MBD5: variants seen among roughly 807,000 people sequenced by gnomAD.
The protein encoded by MBD5 is methyl-CpG binding domain protein 5.
MBD5 carries 13 observed loss-of-function variants against 117.3 expected under a neutral mutation model. The observed-to-expected ratio is 0.11, with a 90% CI of 0.07 to 0.18. The LOEUF (loss-of-function observed/expected upper bound fraction) is 0.18, where lower values mean the gene tolerates loss of function less well. Ranked by LOEUF, MBD5 falls within the 10% of genes least tolerant of loss-of-function variation. The probability of loss-of-function intolerance (pLI) is 1.00; values close to 1 mark genes in which losing one functional copy is unlikely to be tolerated. For synonymous variants in MBD5, 727 were observed against 766.4 expected, an observed-to-expected ratio of 0.95 and a Z score of 0.85; for missense variants, 1,879 against 2,093.8, an observed-to-expected ratio of 0.90 and a Z score of 2.00.
intron 4 of MBD5, among the ~76,000 whole-genome samples, chr2:148,350,844 A>G (rs1335888908): frequency 6.6e-6 from 1 of 151,924 alleles, no homozygotes; most frequent in Non-Finnish European, 1.5e-5. Flanking sequence ...ATCATATTTA[A>G]GTCTCTTTTA....
At chr2:148,179,368 A>C (rs982866088) in intron 2 of MBD5, among the ~76,000 whole-genome samples, 56 of 152,202 alleles carry the variant, frequency 3.7e-4, no homozygotes, top group Non-Finnish European at 6.8e-4. Context: ...AAAAAAAAAA[A>C]AAGTAACTTC....
chr2:148,318,979 G>C (rs974389083), intron 3 of MBD5, among the ~76,000 whole-genome samples: 1 of 152,188 alleles, frequency 6.6e-6, no homozygotes, highest in Non-Finnish European at 1.5e-5. Flanking sequence ...GCCTCCCAAA[G>C]TGCTGGGATT....
At chr2:148,377,520 A>T (rs181210987) in intron 4 of MBD5, among the ~76,000 whole-genome samples, 178 of 152,336 alleles carry the variant, frequency 1.2e-3, no homozygotes, top group South Asian at 7.5e-3. Context: ...TCTTTGCTTC[A>T]TGGGCAACTA....
intron 2 of MBD5, among the ~76,000 whole-genome samples, chr2:148,199,282 G>A (rs958369161): frequency 6.6e-6 from 1 of 152,054 alleles, no homozygotes; most frequent in African/African-American, 2.4e-5. Flanking sequence ...CCCCAGTATT[G>A]TTTAACTGAA....
chr2:148,444,070 A>G (rs1011501083), intron 4 of MBD5, among the ~76,000 whole-genome samples: 1 of 151,218 alleles, frequency 6.6e-6, no homozygotes, highest in Non-Finnish European at 1.5e-5. Context: ...AAAGGATTAA[A>G]TGAGCTAATT....
intron 1 of MBD5, among the ~76,000 whole-genome samples, chr2:148,048,596 C>G (rs573558580): frequency 2.0e-5 from 3 of 152,066 alleles, no homozygotes; most frequent in African/African-American, 7.2e-5. Context: ...GAGCAGTTTG[C>G]TGTTTTGGAG....
chr2:148,217,037 T>A (rs1179029794), intron 2 of MBD5, among the ~76,000 whole-genome samples: 1 of 152,232 alleles, frequency 6.6e-6, no homozygotes, highest in Non-Finnish European at 1.5e-5. Context: ...CATAGATTCA[T>A]TGTACATTCA....
chr2:148,457,681 C>G (rs913612502), intron 4 of MBD5, among the ~76,000 whole-genome samples: 3 of 152,006 alleles, frequency 2.0e-5, no homozygotes, highest in Non-Finnish European at 4.4e-5. Flanking sequence ...GAAACCACCT[C>G]TTATATTTGG....
At chr2:148,063,519 A>G (rs752153414) in intron 1 of MBD5, among the ~76,000 whole-genome samples, 2 of 151,534 alleles carry the variant, frequency 1.3e-5, no homozygotes, top group Non-Finnish European at 2.9e-5. Context: ...TTGACAATAC[A>G]TAAATGAATG....
intron 1 of MBD5, among the ~76,000 whole-genome samples, chr2:148,084,087 C>CTGTT (rs1191456715): frequency 5.9e-5 from 9 of 152,126 alleles, no homozygotes; most frequent in Non-Finnish European, 1.3e-4. Flanking sequence ...TCTCGTTTTG[C>CTGTT]TGTTTGCAAT....
At chr2:148,445,215 C>G (rs535190718) in intron 4 of MBD5, among the ~76,000 whole-genome samples, 3 of 151,152 alleles carry the variant, frequency 2.0e-5, no homozygotes, top group Non-Finnish European at 4.4e-5. Context: ...TATACATGTG[C>G]CATGTTGGTG....
At chr2:148,163,518 C>T (rs914812092) in intron 1 of MBD5, among the ~76,000 whole-genome samples, 22 of 152,012 alleles carry the variant, frequency 1.4e-4, no homozygotes, top group African/African-American at 5.1e-4. Context: ...CAGGTTCAAG[C>T]GACAATCCTA....
chr2:148,504,571 G>T (rs1207696159), intron 12 of MBD5, among the ~76,000 whole-genome samples: 1 of 152,166 alleles, frequency 6.6e-6, no homozygotes, highest in East Asian at 1.9e-4. Flanking sequence ...AGTCCCTGAA[G>T]CTCACTGTTT....
At chr2:148,151,440 A>G (rs1041687444) in intron 1 of MBD5, among the ~76,000 whole-genome samples, 4 of 152,200 alleles carry the variant, frequency 2.6e-5, no homozygotes. Context: ...TTGGTATCAG[A>G]ATGATGCTGG....
chr2:148,426,971 C>G (rs1483410863), intron 4 of MBD5, among the ~76,000 whole-genome samples: 1 of 152,006 alleles, frequency 6.6e-6, no homozygotes, highest in Non-Finnish European at 1.5e-5. Flanking sequence ...AACAAACAAC[C>G]CCATCAAAAA....
intron 3 of MBD5, among the ~76,000 whole-genome samples, chr2:148,234,994 G>A (rs967972529): frequency 4.2e-4 from 64 of 152,164 alleles, no homozygotes; most frequent in Middle Eastern, 3.4e-3. Context: ...ATCTGCAAGG[G>A]ATTGACTCCA....
At chr2:148,380,864 T>A (rs1230529390) in intron 4 of MBD5, among the ~76,000 whole-genome samples, 1 of 152,168 alleles carries the variant, frequency 6.6e-6, no homozygotes, top group Non-Finnish European at 1.5e-5. Context: ...AAACAGGGTC[T>A]GGAGTGGACC....
chr2:148,062,217 G>A (rs1357796203), intron 1 of MBD5: 1 of 151,238 alleles, frequency 6.6e-6, no homozygotes, highest in East Asian at 1.9e-4. Flanking sequence ...GTATATACAT[G>A]TATCATTTTA....
chr2:148,183,417 A>G (rs993991797), intron 2 of MBD5, among the ~76,000 whole-genome samples: 1 of 152,188 alleles, frequency 6.6e-6, no homozygotes, highest in African/African-American at 2.4e-5. Context: ...AATAGTAATT[A>G]TAATCATAAT....
Sources: gnomAD v4.1 joint callset for allele counts (sites outside exome capture counted in the v4.1 genomes callset) on GRCh38, gnomAD v4.1.1 for gene constraint, MANE v1.5 for transcripts, NCBI Gene and HGNC (gene_info 2026-07-23, HGNC 2026-07-21) for gene names.